GLI3: variants seen among roughly 807,000 people sequenced by gnomAD.
The protein encoded by GLI3 is GLI family zinc finger 3, also known as transcription activator GLI3.
A neutral mutation model predicts 100.8 loss-of-function variants in GLI3; 20 were observed. That is an observed-to-expected ratio of 0.20 (90% CI 0.14 to 0.29). GLI3 has a LOEUF of 0.29. Ranked by LOEUF, GLI3 falls within the 10% of genes least tolerant of loss-of-function variation. The probability of loss-of-function intolerance (pLI) is 1.00; values close to 1 mark genes in which losing one functional copy is unlikely to be tolerated. For synonymous variants in GLI3, 938 were observed against 860.5 expected (o/e 1.09, Z -1.58); for missense variants, 2,040 against 2,128.5 (o/e 0.96, Z 0.82).
rs142541902 is a variant in GLI3 at position 42,185,140 on chromosome 7, G to A, written c.125-36672C>T. On this transcript the variant is annotated intron_variant, in intron 2 of 14. Coordinates refer to ENST00000395925, the MANE Select transcript of GLI3 (RefSeq NM_000168.6). Reference sequence around the variant, plus strand: ...GGTGTCTTCCTGTCCTGTGCTACTGGGTCCCCTCCTCTACCTGGACTGACT... The same window carrying A: ...GGTGTCTTCCTGTCCTGTGCTACTGAGTCCCCTCCTCTACCTGGACTGACT... Among the ~76,000 whole-genome samples the A allele has an allele frequency of 6.5e-3, 996 of 152,252 alleles. 15 individuals are homozygous for A. The highest frequency in any genetic ancestry group is 0.023 in the African/African-American group (950 of 41,538).
intron 4 of GLI3, among the ~76,000 whole-genome samples, chr7:42,059,210 A>T (rs1784519499): frequency 6.6e-6 from 1 of 152,256 alleles, no homozygotes; most frequent in South Asian, 2.1e-4. Context: ...TAATTCCATG[A>T]ATACACATTA....
At chr7:42,152,568 G>T (rs1008022730) in intron 2 of GLI3, 3 of 232,086 alleles carry the variant, frequency 1.3e-5, no homozygotes, top group Non-Finnish European at 2.1e-5. Context: ...GAGTGCTTCC[G>T]AGTGAACTCT....
At chr7:42,229,397 G>A (rs1788650595) in intron 1 of GLI3, among the ~76,000 whole-genome samples, 2 of 152,226 alleles carry the variant, frequency 1.3e-5, no homozygotes, top group South Asian at 4.1e-4. Context: ...GCTATTAACA[G>A]CACCATGGCT....
At chr7:42,144,006 TA>T in intron 3 of GLI3, among the ~76,000 whole-genome samples, 1 of 152,194 alleles carries the variant, frequency 6.6e-6, no homozygotes, top group Admixed American at 6.5e-5. Context: ...AGGAAGAGTT[TA>T]AAAACTAGAC....
At chr7:42,163,503 A>T (rs1787175397) in intron 2 of GLI3, among the ~76,000 whole-genome samples, 1 of 150,228 alleles carries the variant, frequency 6.7e-6, no homozygotes, top group Non-Finnish European at 1.5e-5. Flanking sequence ...ATCTCGGCTC[A>T]CTGCAACCTC....
At chr7:42,107,695 G>T (rs1322053865) in intron 3 of GLI3, among the ~76,000 whole-genome samples, 2 of 152,136 alleles carry the variant, frequency 1.3e-5, no homozygotes, top group Non-Finnish European at 2.9e-5. Context: ...GAGGAGGGAG[G>T]AACAGTGACA....
chr7:42,141,567 G>A (rs921376731), intron 3 of GLI3, among the ~76,000 whole-genome samples: 22 of 152,170 alleles, frequency 1.4e-4, no homozygotes, highest in African/African-American at 5.1e-4. Flanking sequence ...AGCTGCTTGG[G>A]AGGTAGAGGC....
In GLI3 at chr7:41,965,110, C is replaced by A. The variant is rs769747687; in HGVS notation, c.3963G>T (p.Gly1321=). 8 of 1,613,628 alleles carry A rather than the reference C, an allele frequency of 5.0e-6. No homozygotes were observed. The highest frequency in any genetic ancestry group is 4.5e-5 in the East Asian group (2 of 44,882). ...GMQNQDPVGQ[G]YLAHQLLGDS... ...CGCCGAGGAGCTGGTGAGCCAGGTACCCCTGTCCCACTGGGTCCTGGTTCT... is the reference window on the plus strand; with the variant it reads ...CGCCGAGGAGCTGGTGAGCCAGGTAACCCTGTCCCACTGGGTCCTGGTTCT... The change falls in exon 15 of 15, where the codon GGG becomes GGT. Residue 1321 remains glycine, a synonymous_variant. Coordinates refer to ENST00000395925, the MANE Select transcript of GLI3 (RefSeq NM_000168.6).
Position 41,965,166 on chromosome 7 carries a change from C to T in GLI3, c.3907G>A (p.Glu1303Lys), listed in dbSNP as rs1318242966. 2 of 1,613,856 alleles carry T rather than the reference C, an allele frequency of 1.2e-6. No homozygotes were observed. The highest frequency in any genetic ancestry group is 2.7e-5 in the African/African-American group (2 of 74,942). The change falls in exon 15 of 15, where the codon GAG becomes AAG. Residue 1303 changes from glutamate to lysine, a missense_variant. Coordinates refer to ENST00000395925, the MANE Select transcript of GLI3 (RefSeq NM_000168.6). Reference protein sequence around the residue: ...LNFGLPVAPNESAGSMVNGMQ... With the variant: ...LNFGLPVAPNKSAGSMVNGMQ... ...CCATTCACCATGCTGCCAGCTGACT[C>T]ATTTGGCGCTACCGGCAGGCCGAAA...
chr7:42,201,377 A>T (rs1788035380), intron 2 of GLI3, among the ~76,000 whole-genome samples: 1 of 152,210 alleles, frequency 6.6e-6, no homozygotes, highest in Non-Finnish European at 1.5e-5. Flanking sequence ...GAATCAGTCC[A>T]TCGGGTAGAA....
intron 3 of GLI3, among the ~76,000 whole-genome samples, chr7:42,099,544 TTTAG>T (rs1785414117): frequency 6.6e-6 from 1 of 152,180 alleles, no homozygotes; most frequent in Admixed American, 6.5e-5. Context: ...GATATGTTAG[TTTAG>T]TTAGTTATTT....
chr7:42,121,209 T>C (rs1273870945), intron 3 of GLI3, among the ~76,000 whole-genome samples: 1 of 152,194 alleles, frequency 6.6e-6, no homozygotes, highest in East Asian at 1.9e-4. Flanking sequence ...CTTAACACAA[T>C]GGTCTCAAAC....
chr7:42,040,380 A>T (rs1447345180), intron 6 of GLI3, 141 bp from the exon 7 acceptor site: 1 of 708,402 alleles, frequency 1.4e-6, no homozygotes, highest in African/African-American at 1.8e-5. Context: ...CCCCCATGTG[A>T]TCTACTAGCT....
At position 42,066,429 on chromosome 7, in the gene GLI3, A is replaced by G. The variant is rs546079249; in HGVS notation, c.473+10323T>C. 3.3e-5 allele frequency among the ~76,000 whole-genome samples: 5 copies of G among 152,262 alleles called. No homozygotes were observed. In the South Asian group the frequency reaches 1.0e-3, roughly 32 times the overall value. ...CACCAATAATAACCTAAGTAACTAA[A>G]AAGTCCAGTCTGTCTGGGTTAAAAG... On this transcript the variant is annotated intron_variant, in intron 4 of 14. Transcript: ENST00000395925.
chr7:42,171,940 T>G (rs1023492042), intron 2 of GLI3, among the ~76,000 whole-genome samples: 1 of 152,114 alleles, frequency 6.6e-6, no homozygotes. Flanking sequence ...ACCTTCACAT[T>G]GCCTCTGAGA....
At chr7:42,225,873 A>G (rs1371867619) in intron 1 of GLI3, among the ~76,000 whole-genome samples, 1 of 152,168 alleles carries the variant, frequency 6.6e-6, no homozygotes, top group Non-Finnish European at 1.5e-5. Flanking sequence ...TCCAGGCTGT[A>G]TGCTCCATGA....
At chr7:42,236,115 G>A (rs1481293942) in intron 1 of GLI3, among the ~76,000 whole-genome samples, 1 of 152,076 alleles carries the variant, frequency 6.6e-6, no homozygotes, top group Non-Finnish European at 1.5e-5. Context: ...TAAAAGGCCG[G>A]GTGCGGGGTG....
chr7:42,082,082 G>T (rs1256353176), intron 3 of GLI3, among the ~76,000 whole-genome samples: 1 of 151,848 alleles, frequency 6.6e-6, no homozygotes. Context: ...TCATTAAACA[G>T]CATCCGCTAT....
chr7:42,042,576 G>A (rs375023848), intron 6 of GLI3, among the ~76,000 whole-genome samples: 35 of 152,258 alleles, frequency 2.3e-4, no homozygotes, highest in African/African-American at 7.5e-4. Context: ...TAGACAGGAC[G>A]TGGATATATC....
Sources: gnomAD v4.1 joint callset for allele counts (sites outside exome capture counted in the v4.1 genomes callset) on GRCh38, gnomAD v4.1.1 for gene constraint, MANE v1.5 for transcripts, NCBI Gene and HGNC (gene_info 2026-07-23, HGNC 2026-07-21) for gene names.